The following PRKG1 variants were observed in gnomAD, a reference collection of about 807,000 sequenced individuals.
PRKG1 encodes cGMP-dependent protein kinase 1.
In PRKG1, 35 loss-of-function variants were observed where a neutral mutation model predicts 88.1. The ratio of observed to expected loss-of-function variants is 0.40; its 90% confidence interval spans 0.30 to 0.53. The LOEUF is 0.53. Among genes scored for constraint, PRKG1 ranks in the 20% least tolerant of loss-of-function variants. PRKG1 has a pLI of 0.59. For synonymous variants in PRKG1, 303 were observed against 292.5 expected (o/e 1.04, Z -0.37); for missense variants, 540 against 839.8 (o/e 0.64, Z 4.41).
At chr10:51,181,574 GT>G (rs2132026078) in intron 2 of PRKG1, among the ~76,000 whole-genome samples, 1 of 152,272 alleles carries the variant, frequency 6.6e-6, no homozygotes, top group Admixed American at 6.5e-5. Flanking sequence ...TTTCCTGGGA[GT>G]TTTTCTTATT....
At chr10:51,870,239 A>G (rs1841121579) in intron 4 of PRKG1, among the ~76,000 whole-genome samples, 1 of 152,290 alleles carries the variant, frequency 6.6e-6, no homozygotes, top group African/African-American at 2.4e-5. Context: ...ATAGGTGCCC[A>G]AATCAAGTGA....
chr10:52,123,203 T>C (rs1209419823), intron 7 of PRKG1, among the ~76,000 whole-genome samples: 7 of 152,178 alleles, frequency 4.6e-5, no homozygotes, highest in African/African-American at 1.4e-4. Flanking sequence ...AATGTGAAAA[T>C]TGAATTCTTC....
chr10:51,049,809 T>A lies in PRKG1; in HGVS notation c.266+58165T>A, dbSNP rs192880321. Reference sequence around the variant, plus strand: ...TTTGTGTATTGTCCATTTCAATATATTTAAGGTTTTATTTTGTAATAATTC... The same window carrying A: ...TTTGTGTATTGTCCATTTCAATATAATTAAGGTTTTATTTTGTAATAATTC... On this transcript the variant is annotated intron_variant, in intron 1 of 17. Transcript: ENST00000401604. 1.5e-3 allele frequency among the ~76,000 whole-genome samples: 232 copies of A among 152,316 alleles called. 2 individuals carry two copies. Among genetic ancestry groups the A allele is most frequent in the African/African-American group, 5.5e-3 (230 of 41,570 alleles).
At chr10:51,581,512 G>A (rs147942287) in intron 3 of PRKG1, among the ~76,000 whole-genome samples, 11 of 152,042 alleles carry the variant, frequency 7.2e-5, no homozygotes, top group East Asian at 3.9e-4. Context: ...CTCTCCACAA[G>A]GGTCGCATTC....
chr10:52,142,975 A>G (rs1201004316), intron 8 of PRKG1, among the ~76,000 whole-genome samples: 1 of 152,178 alleles, frequency 6.6e-6, no homozygotes, highest in African/African-American at 2.4e-5. Context: ...AAATGAACGA[A>G]TGAATGAATG....
chr10:51,084,059 A>T (rs995127410), intron 1 of PRKG1, among the ~76,000 whole-genome samples: 1 of 152,172 alleles, frequency 6.6e-6, no homozygotes, highest in Non-Finnish European at 1.5e-5. Flanking sequence ...CCACTCCTAA[A>T]ATATGAAAAT....
chr10:51,698,178 A>G, intron 3 of PRKG1: 1 of 1,613,846 alleles, frequency 6.2e-7, no homozygotes, highest in Non-Finnish European at 8.5e-7. Context: ...CTCATCTCCA[A>G]TCCTCTTGCA....
intron 2 of PRKG1, among the ~76,000 whole-genome samples, chr10:51,249,323 A>T (rs1020093996): frequency 6.6e-6 from 1 of 151,926 alleles, no homozygotes; most frequent in African/African-American, 2.4e-5. Context: ...TATCAACATT[A>T]GAAAATGCAC....
At chr10:52,234,002 G>C (rs2132357751) in intron 9 of PRKG1, among the ~76,000 whole-genome samples, 1 of 152,060 alleles carries the variant, frequency 6.6e-6, no homozygotes, top group Admixed American at 6.5e-5. Context: ...GTGGGTCCCT[G>C]ACCCCTGACC....
chr10:51,845,381 A>C (rs1840371802), intron 4 of PRKG1, among the ~76,000 whole-genome samples: 1 of 152,152 alleles, frequency 6.6e-6, no homozygotes, highest in African/African-American at 2.4e-5. Context: ...TATCAATATT[A>C]TATTTTGTGC....
chr10:51,064,256 C>T (rs1843723973), intron 1 of PRKG1, among the ~76,000 whole-genome samples: 1 of 152,000 alleles, frequency 6.6e-6, no homozygotes, highest in Admixed American at 6.6e-5. Flanking sequence ...ATGACTGCCT[C>T]ATGAGACTCC....
At chr10:52,014,274 C>T (rs935929471) in intron 5 of PRKG1, among the ~76,000 whole-genome samples, 1 of 152,104 alleles carries the variant, frequency 6.6e-6, no homozygotes, top group Admixed American at 6.5e-5. Context: ...AACTTACAAT[C>T]ATGGCAGAAA....
intron 2 of PRKG1, among the ~76,000 whole-genome samples, chr10:51,364,911 A>G (rs1842558126): frequency 6.6e-6 from 1 of 151,882 alleles, no homozygotes; most frequent in Non-Finnish European, 1.5e-5. Context: ...TTCAAATATA[A>G]CCACGTAAAC....
chr10:51,556,459 G>T (rs116716086), intron 3 of PRKG1, among the ~76,000 whole-genome samples: 1 of 151,584 alleles, frequency 6.6e-6, no homozygotes, highest in Non-Finnish European at 1.5e-5. Flanking sequence ...CACTAGTCAC[G>T]ATAGCAAAGA....
At chr10:51,768,494 C>T (rs1414675152) in intron 3 of PRKG1, among the ~76,000 whole-genome samples, 1 of 152,108 alleles carries the variant, frequency 6.6e-6, no homozygotes, top group African/African-American at 2.4e-5. Context: ...GTTTTGTCCA[C>T]ATTGCAAGTA....
At chr10:51,185,517 T>C (rs1235021291) in intron 2 of PRKG1, among the ~76,000 whole-genome samples, 2 of 152,058 alleles carry the variant, frequency 1.3e-5, no homozygotes, top group Non-Finnish European at 2.9e-5. Context: ...TTAGAATATA[T>C]GTTACCAAAA....
chr10:51,297,846 A>C (rs1430279202), intron 2 of PRKG1, among the ~76,000 whole-genome samples: 1 of 152,102 alleles, frequency 6.6e-6, no homozygotes, highest in Non-Finnish European at 1.5e-5. Flanking sequence ...AATGCCTCCC[A>C]TTATTTTCTC....
At chr10:51,626,386 T>C (rs1013500429) in intron 3 of PRKG1, among the ~76,000 whole-genome samples, 2 of 152,232 alleles carry the variant, frequency 1.3e-5, no homozygotes, top group Non-Finnish European at 2.9e-5. Context: ...GGTATTGTGT[T>C]TAAGAATGTG....
intron 2 of PRKG1, among the ~76,000 whole-genome samples, chr10:51,169,561 T>G (rs1846642501): frequency 6.8e-6 from 1 of 146,012 alleles, no homozygotes; most frequent in Non-Finnish European, 1.5e-5. Flanking sequence ...TAAGCAACAT[T>G]GGAAGATAAA....
Sources: gnomAD v4.1 joint callset for allele counts (sites outside exome capture counted in the v4.1 genomes callset) on GRCh38, gnomAD v4.1.1 for gene constraint, MANE v1.5 for transcripts, NCBI Gene and HGNC (gene_info 2026-07-23, HGNC 2026-07-21) for gene names.